Variants in PTPRZ1 observed in about 807,000 individuals in gnomAD.
The protein encoded by PTPRZ1 is receptor-type tyrosine-protein phosphatase zeta.
Under a neutral mutation model 214.1 loss-of-function variants are expected in PTPRZ1, and 82 were observed. The observed-to-expected ratio is 0.38, with a 90% CI of 0.32 to 0.46. The LOEUF (loss-of-function observed/expected upper bound fraction) is 0.46, where lower values mean the gene tolerates loss of function less well. Among genes scored for constraint, PTPRZ1 ranks in the 20% least tolerant of loss-of-function variants. PTPRZ1 has a pLI of 1.00. For synonymous variants in PTPRZ1, 945 were observed against 987.9 expected, an observed-to-expected ratio of 0.96 and a Z score of 0.81; for missense variants, 2,603 against 2,748.7, an observed-to-expected ratio of 0.95 and a Z score of 1.19.
intron 6 of PTPRZ1, among the ~76,000 whole-genome samples, chr7:121,980,775 A>G (rs967778337): frequency 2.0e-5 from 3 of 152,232 alleles, no homozygotes; most frequent in African/African-American, 7.2e-5. Context: ...CAGTCTTCAT[A>G]GAGTTTACAG....
chr7:122,009,177 CAAATAATTAAGCTGT>C (rs981685826), intron 11 of PTPRZ1, among the ~76,000 whole-genome samples: 1 of 151,896 alleles, frequency 6.6e-6, no homozygotes, highest in Non-Finnish European at 1.5e-5. Context: ...CACGACCAGC[CAAATAATTAAGCTGT>C]AAATAATGAG....
intron 23 of PTPRZ1, 56 bp downstream of exon 23, chr7:122,044,624 C>T: frequency 6.4e-7 from 1 of 1,563,284 alleles, no homozygotes; most frequent in South Asian, 1.2e-5. Context: ...GTCCCTGCAT[C>T]TTCTCATTTG....
chr7:122,060,302 C>T (rs910322526), intron 29 of PTPRZ1, among the ~76,000 whole-genome samples: 5 of 152,080 alleles, frequency 3.3e-5, no homozygotes, highest in African/African-American at 7.2e-5. Flanking sequence ...AAGTCTTATT[C>T]GGGGCCGCTG....
At chr7:121,917,372 A>G (rs1795457127) in intron 1 of PTPRZ1, among the ~76,000 whole-genome samples, 1 of 152,160 alleles carries the variant, frequency 6.6e-6, no homozygotes, top group African/African-American at 2.4e-5. Flanking sequence ...TGTATTTTCA[A>G]TGTGCAGTGA....
At chr7:121,937,866 A>C (rs905978245) in intron 2 of PTPRZ1, among the ~76,000 whole-genome samples, 4 of 152,176 alleles carry the variant, frequency 2.6e-5, no homozygotes, top group African/African-American at 9.7e-5. Flanking sequence ...TAATGCCGAG[A>C]TCCTTAAAGT....
chr7:122,041,021 A>T (rs781089293), intron 21 of PTPRZ1, 42 bp downstream of exon 21: 1 of 1,390,434 alleles, frequency 7.2e-7, no homozygotes, highest in Non-Finnish European at 9.4e-7. Context: ...AGAATTGCTT[A>T]TACTTGCAAA....
At chr7:121,882,429 A>T (rs73437106) in intron 1 of PTPRZ1, among the ~76,000 whole-genome samples, 3,220 of 152,270 alleles carry the variant, frequency 0.021, 72 homozygotes, top group African/African-American at 0.052. Flanking sequence ...AGGGGTCACC[A>T]TGGGAGCAGA....
At chr7:121,902,137 C>T (rs1169534376) in intron 1 of PTPRZ1, among the ~76,000 whole-genome samples, 1 of 152,188 alleles carries the variant, frequency 6.6e-6, no homozygotes, top group African/African-American at 2.4e-5. Flanking sequence ...GCTTATTTCA[C>T]TTAACATAAT....
intron 1 of PTPRZ1, among the ~76,000 whole-genome samples, chr7:121,878,408 C>T (rs1003241931): frequency 6.6e-6 from 1 of 152,112 alleles, no homozygotes; most frequent in African/African-American, 2.4e-5. Context: ...GTCATCAACT[C>T]AACTAGAAAA....
chr7:121,930,349 A>G (rs1795885523), intron 2 of PTPRZ1, among the ~76,000 whole-genome samples: 1 of 152,184 alleles, frequency 6.6e-6, no homozygotes, highest in South Asian at 2.1e-4. Flanking sequence ...ATTTGACTCC[A>G]TTTTGAATTA....
chr7:121,979,821 C>T (rs760633106), intron 6 of PTPRZ1, among the ~76,000 whole-genome samples: 3 of 151,990 alleles, frequency 2.0e-5, no homozygotes, highest in African/African-American at 4.8e-5. Flanking sequence ...CTCAAGCCAA[C>T]AAAACAAAAT....
intron 4 of PTPRZ1, among the ~76,000 whole-genome samples, chr7:121,975,231 A>G (rs1057108005): frequency 6.6e-6 from 1 of 152,190 alleles, no homozygotes; most frequent in Non-Finnish European, 1.5e-5. Context: ...CCTAAATACC[A>G]TATGGGAGGT....
At chr7:121,933,147 T>C (rs1795972869) in intron 2 of PTPRZ1, among the ~76,000 whole-genome samples, 1 of 103,504 alleles carries the variant, frequency 9.7e-6, no homozygotes, top group Non-Finnish European at 1.8e-5. Context: ...ACAAAGACAG[T>C]TCAGTGAAAA....
chr7:121,979,367 C>T (rs575738668), intron 6 of PTPRZ1, among the ~76,000 whole-genome samples: 90 of 152,272 alleles, frequency 5.9e-4, no homozygotes, highest in African/African-American at 1.8e-3. Flanking sequence ...TTTCGAGTTG[C>T]AGGGAAGAGA....
At position 122,031,781 on chromosome 7, in the gene PTPRZ1, CAT is replaced by C. The variant is rs1799384583; in HGVS notation, c.5166+224_5166+225del. The C allele has an allele frequency of 1.1e-5, 3 of 276,770 alleles. No homozygotes were observed. In the East Asian group the frequency reaches 1.9e-4, roughly 17 times the overall value. The allele number at this position is 276,770 out of a possible 1,614,324, so 17.1% of individuals were successfully genotyped here. On this transcript the variant is annotated intron_variant, in intron 15 of 29. Transcript: ENST00000393386. Reference sequence around the variant, plus strand: ...AAAAGCCAAGTTGTACTGGTGGAAACATAAAAAACATTGTTCATTTTCTTCCA... The same window carrying C: ...AAAAGCCAAGTTGTACTGGTGGAAACAAAAAACATTGTTCATTTTCTTCCA...
intron 27 of PTPRZ1, among the ~76,000 whole-genome samples, chr7:122,056,557 A>G (rs1792353760): frequency 6.6e-6 from 1 of 151,908 alleles, no homozygotes; most frequent in South Asian, 2.1e-4. Context: ...GTGAAGGTCT[A>G]TGCTACTGAG....
At chr7:122,047,639 A>G (rs920919595) in intron 23 of PTPRZ1, among the ~76,000 whole-genome samples, 1 of 138,810 alleles carries the variant, frequency 7.2e-6, no homozygotes, top group African/African-American at 2.9e-5. Context: ...GTGTTGCTAC[A>G]TATATTCCTT....
chr7:122,047,555 A>G (rs1477976698), intron 23 of PTPRZ1, among the ~76,000 whole-genome samples: 5 of 151,848 alleles, frequency 3.3e-5, no homozygotes, highest in Admixed American at 3.3e-4. Flanking sequence ...CTAAGGCTGG[A>G]GGCTGAGGAA....
intron 13 of PTPRZ1, among the ~76,000 whole-genome samples, chr7:122,023,666 TA>T (rs1215311061): frequency 1.5e-5 from 2 of 133,204 alleles, no homozygotes; most frequent in African/African-American, 5.7e-5. Context: ...ATTATATGTA[TA>T]ATTTTATATA....
Sources: gnomAD v4.1 joint callset for allele counts (sites outside exome capture counted in the v4.1 genomes callset) on GRCh38, gnomAD v4.1.1 for gene constraint, MANE v1.5 for transcripts, NCBI Gene and HGNC (gene_info 2026-07-23, HGNC 2026-07-21) for gene names.